COL16A1: variants seen among roughly 807,000 people sequenced by gnomAD.
COL16A1 encodes the protein collagen alpha-1(XVI) chain.
COL16A1 carries 189 observed loss-of-function variants against 266.3 expected under a neutral mutation model. The observed-to-expected ratio is 0.71, with a 90% CI of 0.63 to 0.80. The LOEUF (loss-of-function observed/expected upper bound fraction) is 0.80. COL16A1 is among the 30% of genes least tolerant of loss of function. The pLI, the probability that COL16A1 is intolerant of heterozygous loss-of-function variation, is 0.00. For synonymous variants in COL16A1, 740 were observed against 782.3 expected, an observed-to-expected ratio of 0.95 and a Z score of 0.90; for missense variants, 1,928 against 2,122.4, an observed-to-expected ratio of 0.91 and a Z score of 1.80.
In COL16A1 at chr1:31,699,862, C is replaced by T. The variant is rs199881394; in HGVS notation, c.217G>A (p.Gly73Arg). 130 of 1,614,102 alleles carry T rather than the reference C, an allele frequency of 8.1e-5. No individual in the cohort carries two copies. In the African/African-American group the frequency reaches 1.5e-3, roughly 18 times the overall value. The change falls in exon 4 of 71, where the codon GGG (glycine) becomes AGG (arginine). Residue 73 changes from glycine to arginine, a missense_variant. Physicochemically the swap from Gly to Arg is moderately radical, Grantham distance 125. Around this residue, in one of 2 missense-constraint regions of COL16A1, gnomAD observed 1,552 missense variants for 1,637.2 expected, o/e 0.95. Transcript: ENST00000373672. ...SAIKKIRNPK[G>R]PLILRLGAAP... is the part of the protein sequence containing the mutation. Reference sequence around the variant, plus strand: ...GCCCCCAGGCGCAGGATGAGAGGCCCCTTGGGGTTGCGGATCTTCTTGATG... The same window carrying T: ...GCCCCCAGGCGCAGGATGAGAGGCCTCTTGGGGTTGCGGATCTTCTTGATG...
chr1:31,682,786 G>A (rs956594325), intron 37 of COL16A1, 148 bp downstream of exon 37: 13 of 947,490 alleles, frequency 1.4e-5, no homozygotes, highest in African/African-American at 6.6e-5. Flanking sequence ...AAAGAGTGAG[G>A]TTTTCCTTGT....
In COL16A1 at chr1:31,702,197, G is replaced by T. The variant is rs369934926; in HGVS notation, c.-4C>A. 6.2e-7 allele frequency: 1 copy of T among 1,614,030 alleles called. No individual in the cohort carries two copies. Among genetic ancestry groups the T allele is most frequent in the African/African-American group, 1.3e-5 (1 of 75,008 alleles). ...CAGGAGCCCAGGATACCCACATCCC[G>T]GTCCAAAGAGGTCAGCTACAGCCAC... On this transcript the variant is annotated 5_prime_UTR_variant, in exon 2 of 71. Transcript: ENST00000373672.
chr1:31,663,281 C>T lies in COL16A1; in HGVS notation c.3556-623G>A, dbSNP rs188529058. ...GCTCAGGAGCGGGGAGCAGTTCCCT[C>T]TGGCTGGGGATCAGGGAAAGTGTCA... On this transcript the variant is annotated intron_variant, in intron 56 of 70. Coordinates refer to ENST00000373672, the MANE Select transcript of COL16A1 (RefSeq NM_001856.4). The surrounding 1 kb of genome is among the most constrained non-coding windows in gnomAD (Gnocchi z 4.9). The T allele has an allele frequency of 6.5e-6, 1 of 153,188 alleles. No individual in the cohort carries two copies. Among genetic ancestry groups the T allele is most frequent in the East Asian group, 1.9e-4 (1 of 5,188 alleles). The allele number at this position is 153,188 out of a possible 1,614,324, so 9.5% of individuals were successfully genotyped here.
chr1:31,655,812 C>A, intron 66 of COL16A1: 1 of 402,808 alleles, frequency 2.5e-6, no homozygotes. Flanking sequence ...CTCCTCTCCC[C>A]ACCCTCTGCC....
chr1:31,674,118 T>C (rs971893947), intron 44 of COL16A1, among the ~76,000 whole-genome samples: 2 of 152,122 alleles, frequency 1.3e-5, no homozygotes, highest in African/African-American at 4.8e-5. Context: ...AATCTGCCGT[T>C]CAGAGCAGGG....
Position 31,688,598 on chromosome 1 carries a change from G to T in COL16A1, c.1768-96C>A. 1.3e-6 allele frequency: 2 copies of T among 1,508,594 alleles called. No individual in the cohort carries two copies. Among genetic ancestry groups the T allele is most frequent in the Non-Finnish European group, 1.8e-6 (2 of 1,084,148 alleles). The allele number at this position is 1,508,594 out of a possible 1,614,324, so 93.5% of individuals were successfully genotyped here. A position where few individuals can be genotyped will look rare whatever the true frequency, so the allele number is the denominator to read the frequency against. Reference sequence around the variant, plus strand: ...TGTCCAACCAGAAACAGAACGGTAAGATAGGAATTATGTCCTTCAGGTAGC... The same window carrying T: ...TGTCCAACCAGAAACAGAACGGTAATATAGGAATTATGTCCTTCAGGTAGC... On this transcript the variant is annotated intron_variant, in intron 25 of 70. Coordinates refer to ENST00000373672, the MANE Select transcript of COL16A1 (RefSeq NM_001856.4). This position sits in a 1 kb window ranked among gnomAD's most constrained non-coding sequence, Gnocchi z 4.9.
chr1:31,673,333 C>T (rs1010069393), intron 44 of COL16A1: 3 of 170,568 alleles, frequency 1.8e-5, no homozygotes, highest in Non-Finnish European at 2.6e-5. Flanking sequence ...ATCGCGCCAC[C>T]AGAATTGTCT....
At chr1:31,689,203 C>G in intron 23 of COL16A1, 118 bp from the exon 24 acceptor site, 1 of 1,516,112 alleles carries the variant, frequency 6.6e-7, no homozygotes, top group Non-Finnish European at 8.9e-7. Flanking sequence ...ACCTAGGGGT[C>G]CCATGGGGTC....
Position 31,689,745 on chromosome 1 carries a change from G to A in COL16A1, c.1616C>T (p.Ala539Val). ...ATGGTCACCCTGGGCACTCACCCTGGCTGGTACAGGATCACCAGGCTCCCC... is the reference window on the plus strand; with the variant it reads ...ATGGTCACCCTGGGCACTCACCCTGACTGGTACAGGATCACCAGGCTCCCC... ...PKGEPGDPVPARGDPGIQGIK... is the reference protein window; with the variant it reads ...PKGEPGDPVPVRGDPGIQGIK... The change falls in exon 23 of 71, where the codon GCC becomes GTC. Residue 539 changes from alanine to valine, a missense_variant. This residue lies in a region of COL16A1 where 1,552 missense variants were observed against 1,637.2 expected (regional missense o/e 0.95). Transcript: ENST00000373672. The A allele has an allele frequency of 6.2e-7, 1 of 1,613,664 alleles. No individual in the cohort carries two copies. Among genetic ancestry groups the A allele is most frequent in the Non-Finnish European group, 8.5e-7 (1 of 1,179,600 alleles).
At chr1:31,695,454 C>A (rs1644455826) in intron 10 of COL16A1, among the ~76,000 whole-genome samples, 1 of 143,328 alleles carries the variant, frequency 7.0e-6, no homozygotes, top group Non-Finnish European at 1.5e-5. Flanking sequence ...AGCAATATGC[C>A]CCAGGTCACA....
chr1:31,691,490 G>A lies in COL16A1; in HGVS notation c.1325C>T (p.Pro442Leu). 2 of 1,613,668 alleles carry A rather than the reference G, an allele frequency of 1.2e-6. No individual in the cohort carries two copies. The highest frequency in any genetic ancestry group is 2.2e-5 in the East Asian group (1 of 44,858). Residue 442 changes from proline to leucine, a missense_variant, in exon 19 of 71, where the codon CCT (proline) becomes CTT (leucine). Pro to Leu is a moderately conservative substitution (Grantham distance 98, BLOSUM62 -3). This residue lies in a region of COL16A1 where 1,552 missense variants were observed against 1,637.2 expected (regional missense o/e 0.95). Coordinates refer to ENST00000373672, the MANE Select transcript of COL16A1 (RefSeq NM_001856.4). ...GQKGDPGFVG[P>L]EGLAGEPGPP... ...CCCAGGCTCTCCTGCCAGCCCCTCA[G>A]GCCCAACAAAGCCAGGGTCTCCCTG...
In COL16A1 at chr1:31,663,851, G is replaced by C. The variant is rs970819052; in HGVS notation, c.3556-1193C>G. Among the ~76,000 whole-genome samples the C allele has an allele frequency of 6.6e-6, 1 of 152,176 alleles. No homozygotes were observed. The highest frequency in any genetic ancestry group is 1.9e-4 in the East Asian group (1 of 5,196). On this transcript the variant is annotated intron_variant, in intron 56 of 70. Transcript: ENST00000373672. This position sits in a 1 kb window ranked among gnomAD's most constrained non-coding sequence, Gnocchi z 4.9. ...TTGGAATGTTTACCAGAAAAGGCGG[G>C]GGGAGGCAAGCAGCATAGCGGGGAA...
chr1:31,680,092 C>G lies in COL16A1; in HGVS notation c.2620G>C (p.Gly874Arg). ...KGPRGEKGEPGECSCPSQGDL... is the reference protein window; with the variant it reads ...KGPRGEKGEPRECSCPSQGDL... ...CCTTGAGAGGGGCAGGAGCACTCCCCTGGCTCACCCTGAAAATACAAGAGC... is the reference window on the plus strand; with the variant it reads ...CCTTGAGAGGGGCAGGAGCACTCCCGTGGCTCACCCTGAAAATACAAGAGC... The change falls in exon 40 of 71, where the codon GGG (glycine) becomes CGG (arginine). Residue 874 changes from glycine (G) to arginine (R), a missense_variant. Around this residue, in one of 2 missense-constraint regions of COL16A1, gnomAD observed 1,552 missense variants for 1,637.2 expected, o/e 0.95. Coordinates refer to ENST00000373672, the MANE Select transcript of COL16A1 (RefSeq NM_001856.4). 6.2e-7 allele frequency: 1 copy of G among 1,613,526 alleles called. No individual in the cohort carries two copies. Among genetic ancestry groups the G allele is most frequent in the South Asian group, 1.1e-5 (1 of 90,950 alleles).
Position 31,684,530 on chromosome 1 carries a change from C to T in COL16A1, c.2153G>A (p.Gly718Glu). 1.2e-6 allele frequency: 2 copies of T among 1,612,356 alleles called. No homozygotes were observed. The highest frequency in any genetic ancestry group is 1.7e-4 in the Middle Eastern group (1 of 5,992). The change falls in exon 31 of 71, where the codon GGA becomes GAA. Residue 718 changes from glycine (G) to glutamate (E), a missense_variant. By Grantham distance (98) the Gly-to-Glu change is moderately conservative (BLOSUM62 -2). Around this residue, in one of 2 missense-constraint regions of COL16A1, gnomAD observed 1,552 missense variants for 1,637.2 expected, o/e 0.95. Transcript: ENST00000373672. Reference sequence around the variant, plus strand: ...CCACCCCGCCTGACTAACCTTTTCTCCTTTTGGCCCCGCGGGGCCCTGAAC... The same window carrying T: ...CCACCCCGCCTGACTAACCTTTTCTTCTTTTGGCCCCGCGGGGCCCTGAAC... ...PGVQGPAGPK[G>E]EKGDGCTACP... is the part of the protein sequence containing the mutation.
rs766992118 is a variant in COL16A1, at chr1:31,688,440, G to C, written c.1803+27C>G. The C allele has an allele frequency of 1.2e-6, 2 of 1,613,870 alleles. No individual in the cohort carries two copies. Among genetic ancestry groups the C allele is most frequent in the Non-Finnish European group, 1.7e-6 (2 of 1,179,854 alleles). On this transcript the variant is annotated intron_variant, in intron 26 of 70. Transcript: ENST00000373672. The surrounding 1 kb of genome is among the most constrained non-coding windows in gnomAD (Gnocchi z 4.9). ...TGCCTGCCTGCCAAGAAACTCCAGT[G>C]TCCCTGACATCTAACCCAGGTCTCA...
intron 17 of COL16A1, 56 bp downstream of exon 17, chr1:31,691,949 A>T: frequency 6.2e-7 from 1 of 1,612,092 alleles, no homozygotes; most frequent in Non-Finnish European, 8.5e-7. Context: ...GTTAAATCCC[A>T]GCATTCTCAG....
chr1:31,694,925 C>A (rs1644428259), intron 11 of COL16A1, among the ~76,000 whole-genome samples: 2 of 152,234 alleles, frequency 1.3e-5, no homozygotes, highest in South Asian at 4.1e-4. Flanking sequence ...GCTGGTCCTG[C>A]CGGCCACCAT....
chr1:31,665,535 C>A, intron 55 of COL16A1, 48 bp downstream of exon 55: 1 of 1,613,984 alleles, frequency 6.2e-7, no homozygotes, highest in Non-Finnish European at 8.5e-7. Context: ...CTGCCCCTCC[C>A]GATGAGACCA....
rs573014160 is a variant in COL16A1, at chr1:31,656,502, G to A, written c.4057-58C>T. 4 of 1,593,552 alleles carry A rather than the reference G, an allele frequency of 2.5e-6. No individual in the cohort carries two copies. In the South Asian group the frequency reaches 4.5e-5, roughly 18 times the overall value. On this transcript the variant is annotated intron_variant, in intron 65 of 70. Transcript: ENST00000373672. The surrounding 1 kb of genome is among the most constrained non-coding windows in gnomAD (Gnocchi z 4.2). The stretch of plus-strand genomic sequence containing the variant: ...GGGCAGCATCTCTGAGGCTCCCTGG[G>A]GAGGCAGGTGCAGTGAAGAGGCCCC...
Sources: allele counts gnomAD v4.1 joint callset (sites outside exome capture counted in the v4.1 genomes callset), GRCh38; gene constraint gnomAD v4.1.1; regional missense constraint gnomAD v4.1.1; non-coding constraint Gnocchi (gnomAD v3.1); transcripts MANE v1.5; gene names NCBI Gene and HGNC (gene_info 2026-07-23, HGNC 2026-07-21).